Variants in SLAMF1 observed in about 807,000 individuals in gnomAD.
SLAMF1 encodes the protein signaling lymphocytic activation molecule.
Under a neutral mutation model 35.1 loss-of-function variants are expected in SLAMF1, and 18 were observed. The ratio of observed to expected loss-of-function variants is 0.51; its 90% confidence interval spans 0.35 to 0.76. The LOEUF is 0.76. SLAMF1 is among the 30% of genes least tolerant of loss of function. SLAMF1 has a pLI of 0.01. For missense variants in SLAMF1, 392 were observed against 413.0 expected, an observed-to-expected ratio of 0.95 and a Z score of 0.44; for synonymous variants, 168 against 157.2, an observed-to-expected ratio of 1.07 and a Z score of -0.51.
chr1:160,626,466 A>G (rs1160225053), intron 3 of SLAMF1, among the ~76,000 whole-genome samples: 1 of 152,258 alleles, frequency 6.6e-6, no homozygotes, highest in Non-Finnish European at 1.5e-5. Context: ...CAAGTTGGCC[A>G]TGGTCCTGAA....
chr1:160,629,670 G>A (rs1050008129), intron 3 of SLAMF1, among the ~76,000 whole-genome samples: 1 of 152,190 alleles, frequency 6.6e-6, no homozygotes, highest in Non-Finnish European at 1.5e-5. Flanking sequence ...ATCCCACCCA[G>A]CATTGCAGAG....
chr1:160,613,691 G>C (rs1021840705), intron 5 of SLAMF1, among the ~76,000 whole-genome samples: 2 of 152,178 alleles, frequency 1.3e-5, no homozygotes, highest in Non-Finnish European at 2.9e-5. Flanking sequence ...AAGGAATTAG[G>C]AAAGTTTATT....
chr1:160,630,915 A>C (rs1405019001), intron 3 of SLAMF1, among the ~76,000 whole-genome samples: 3 of 152,144 alleles, frequency 2.0e-5, no homozygotes, highest in Non-Finnish European at 2.9e-5. Flanking sequence ...AACCCAGTTT[A>C]TGTCACATTC....
chr1:160,640,911 G>C (rs187734493), intron 1 of SLAMF1, among the ~76,000 whole-genome samples: 25 of 152,236 alleles, frequency 1.6e-4, no homozygotes, highest in African/African-American at 5.8e-4. Flanking sequence ...GGTGGTGGTG[G>C]TTGTTTTTAC....
chr1:160,643,038 T>C lies in SLAMF1; in HGVS notation c.76+3832A>G, dbSNP rs1031446684. On this transcript the variant is annotated intron_variant, in intron 1 of 6. Coordinates refer to ENST00000302035, the MANE Select transcript of SLAMF1 (RefSeq NM_003037.5). Reference sequence around the variant, plus strand: ...ATGACTCACAGTAAATAGTAAATGCTTTGGCCCCCCACTTCCCCCTAGGAT... The same window carrying C: ...ATGACTCACAGTAAATAGTAAATGCCTTGGCCCCCCACTTCCCCCTAGGAT... Among the ~76,000 whole-genome samples, 3 of 21,100 alleles carry C rather than the reference T, an allele frequency of 1.4e-4. No individual in the cohort carries two copies. In the Non-Finnish European group the frequency reaches 0.012, roughly 84 times the overall value. The allele number at this position is 21,100 out of a possible 152,430, so 13.8% of individuals were successfully genotyped here. A position where few individuals can be genotyped will look rare whatever the true frequency, so the allele number is the denominator to read the frequency against.
chr1:160,612,604 G>T (rs114760384), intron 5 of SLAMF1, 24 bp from the exon 6 acceptor site: 2 of 1,445,542 alleles, frequency 1.4e-6, no homozygotes, highest in South Asian at 1.2e-5. Flanking sequence ...AAAGAAAGCA[G>T]ATTAGCTGAA....
chr1:160,636,338 T>C (rs935049543), intron 2 of SLAMF1, among the ~76,000 whole-genome samples: 1 of 152,182 alleles, frequency 6.6e-6, no homozygotes, highest in African/African-American at 2.4e-5. Flanking sequence ...ATTGCTGCCT[T>C]CCCTCTAGAT....
chr1:160,638,111 T>C (rs1177471970), intron 1 of SLAMF1, among the ~76,000 whole-genome samples: 2 of 152,038 alleles, frequency 1.3e-5, no homozygotes, highest in Non-Finnish European at 2.9e-5. Context: ...AGTGAGATAT[T>C]ACTGTATTTC....
In SLAMF1 at chr1:160,634,710, C is replaced by T; in HGVS notation, c.603G>A (p.Gln201=). 1 of 1,614,060 alleles carries T rather than the reference C, an allele frequency of 6.2e-7. No homozygotes were observed. The highest frequency in any genetic ancestry group is 8.5e-7 in the Non-Finnish European group (1 of 1,180,012). ...SHLLSLTLGP[Q]HADNIYICTV... ...TGCAGATGTAGATATTGTCAGCATG[C>T]TGGGGGCCGAGGGTGAGGGACAGGA... is the stretch of plus-strand genomic sequence containing the variant. The change falls in exon 3 of 7, where the codon CAG becomes CAA. Residue 201 remains glutamine (Q), a synonymous_variant. Transcript: ENST00000302035.
intron 4 of SLAMF1, among the ~76,000 whole-genome samples, chr1:160,623,258 T>C (rs1366211670): frequency 6.6e-6 from 1 of 152,194 alleles, no homozygotes; most frequent in African/African-American, 2.4e-5. Context: ...CCGAGCCCCA[T>C]AGGCTGTCAA....
intron 1 of SLAMF1, among the ~76,000 whole-genome samples, 162 bp from the exon 2 acceptor site, chr1:160,637,691 C>T (rs1490547615): frequency 6.6e-6 from 1 of 152,106 alleles, no homozygotes; most frequent in African/African-American, 2.4e-5. Flanking sequence ...TTGAGGATCC[C>T]CACTATATTC....
intron 5 of SLAMF1, among the ~76,000 whole-genome samples, chr1:160,613,142 G>A (rs976737126): frequency 1.1e-4 from 16 of 152,156 alleles, no homozygotes; most frequent in African/African-American, 3.6e-4. Context: ...TGTCAAAGCC[G>A]GGAGTCCCCT....
chr1:160,630,946 C>A (rs1245363753), intron 3 of SLAMF1, among the ~76,000 whole-genome samples: 1 of 152,154 alleles, frequency 6.6e-6, no homozygotes, highest in Non-Finnish European at 1.5e-5. Context: ...TCTCTCTAAT[C>A]CCCCGAGACA....
intron 2 of SLAMF1, among the ~76,000 whole-genome samples, chr1:160,636,845 T>A (rs1300481907): frequency 2.0e-5 from 3 of 152,216 alleles, no homozygotes; most frequent in African/African-American, 7.2e-5. Flanking sequence ...GTATTCAACT[T>A]CTTTTAATCA....
In SLAMF1 at chr1:160,609,645, C is replaced by A. The variant is rs556785382; in HGVS notation, c.*1103G>T. 1 of 152,214 alleles carries A rather than the reference C, an allele frequency of 6.6e-6. No individual in the cohort carries two copies. Among genetic ancestry groups the A allele is most frequent in the Non-Finnish European group, 1.5e-5 (1 of 68,030 alleles). 9.4% of individuals were successfully genotyped at this position (152,214 alleles called of 1,614,324 possible). A position where few individuals can be genotyped will look rare whatever the true frequency, so the allele number is the denominator to read the frequency against. ...GAATAGGAAAAAACAAAGGACTTTA[C>A]TTAAAAAGTCTCTTTCTGCCTGCAG... On this transcript the variant is annotated 3_prime_UTR_variant, in exon 7 of 7. Transcript: ENST00000302035.
chr1:160,610,876 G>T, intron 6 of SLAMF1, 78 bp from the exon 7 acceptor site: 1 of 1,095,180 alleles, frequency 9.1e-7, no homozygotes, highest in South Asian at 1.3e-5. Context: ...CAGCACTGCT[G>T]AGGAAAAGGA....
At chr1:160,635,369 G>A (rs550067696) in intron 2 of SLAMF1, among the ~76,000 whole-genome samples, 27 of 152,248 alleles carry the variant, frequency 1.8e-4, no homozygotes, top group African/African-American at 6.0e-4. Flanking sequence ...GCATGTACAC[G>A]GGCGCATGGG....
chr1:160,631,041 A>G (rs865936741), intron 3 of SLAMF1, among the ~76,000 whole-genome samples: 4 of 151,660 alleles, frequency 2.6e-5, no homozygotes, highest in Middle Eastern at 3.4e-3. Flanking sequence ...ATCATTGTTT[A>G]CTTATACAGC....
Position 160,634,354 on chromosome 1 carries a change from C to T in SLAMF1, c.700+259G>A, listed in dbSNP as rs538426224. The stretch of plus-strand genomic sequence containing the variant: ...TCAAGGCAAGAGGCAGAGAAGGCTA[C>T]GCCTTGGAGACTTAGGCTCTGGGTC... On this transcript the variant is annotated intron_variant, in intron 3 of 6. Coordinates refer to ENST00000302035, the MANE Select transcript of SLAMF1 (RefSeq NM_003037.5). The T allele has an allele frequency of 2.4e-5, 23 of 972,444 alleles. No individual in the cohort carries two copies. In the South Asian group the frequency reaches 2.4e-4, roughly 10 times the overall value. The allele number at this position is 972,444 out of a possible 1,614,324, so 60.2% of individuals were successfully genotyped here. A position where few individuals can be genotyped will look rare whatever the true frequency, so the allele number is the denominator to read the frequency against.
Sources: allele counts gnomAD v4.1 joint callset (sites outside exome capture counted in the v4.1 genomes callset), GRCh38; gene constraint gnomAD v4.1.1; transcripts MANE v1.5; gene names NCBI Gene and HGNC (gene_info 2026-07-23, HGNC 2026-07-21).